KLHDC2: variants seen among roughly 807,000 people sequenced by gnomAD.
KLHDC2 encodes the protein kelch domain-containing protein 2.
KLHDC2 carries 38 observed loss-of-function variants against 62.3 expected under a neutral mutation model. That is an observed-to-expected ratio of 0.61 (90% CI 0.47 to 0.80). The LOEUF is 0.80. KLHDC2 is among the 30% of genes least tolerant of loss of function. The pLI, the probability that KLHDC2 is intolerant of heterozygous loss-of-function variation, is 0.00. For synonymous variants in KLHDC2, 159 were observed against 161.0 expected, an observed-to-expected ratio of 0.99 and a Z score of 0.09; for missense variants, 430 against 495.3, an observed-to-expected ratio of 0.87 and a Z score of 1.25.
At position 49,785,625 on chromosome 14, in the gene KLHDC2, T is replaced by A; in HGVS notation, c.*2672T>A. On this transcript the variant is annotated 3_prime_UTR_variant, in exon 13 of 13. Transcript: ENST00000298307. Reference sequence around the variant, plus strand: ...GCCCAGGAGCAGTGGTTCACGCCTATAATCCTAGGACTCTGGAAGGCTCAG... The same window carrying A: ...GCCCAGGAGCAGTGGTTCACGCCTAAAATCCTAGGACTCTGGAAGGCTCAG... The A allele has an allele frequency of 3.1e-6, 1 of 321,414 alleles. No individual in the cohort carries two copies. The allele number at this position is 321,414 out of a possible 1,614,324, so 19.9% of individuals were successfully genotyped here.
At chr14:49,774,740 G>A in intron 3 of KLHDC2, 62 bp downstream of exon 3, 3 of 999,846 alleles carry the variant, frequency 3.0e-6, no homozygotes, top group Non-Finnish European at 1.6e-6. Flanking sequence ...TCAAACAACT[G>A]CAAATTTCTA....
intron 7 of KLHDC2, 22 bp downstream of exon 7, chr14:49,779,697 A>G: frequency 6.2e-7 from 1 of 1,612,488 alleles, no homozygotes; most frequent in Non-Finnish European, 8.5e-7. Context: ...AACGACTTCA[A>G]TGACTTGCTT....
chr14:49,775,596 C>G (rs181681982), intron 3 of KLHDC2, among the ~76,000 whole-genome samples: 5 of 141,078 alleles, frequency 3.5e-5, no homozygotes, highest in African/African-American at 7.8e-5. Context: ...AGCCAAGATA[C>G]AGAGATATAA....
At chr14:49,772,928 C>T (rs1889693324) in intron 2 of KLHDC2, among the ~76,000 whole-genome samples, 2 of 152,028 alleles carry the variant, frequency 1.3e-5, no homozygotes, top group Admixed American at 1.3e-4. Context: ...TGCACTCCAG[C>T]CTGGGTAATA....
Position 49,784,673 on chromosome 14 carries a change from A to G in KLHDC2, c.*1720A>G. On this transcript the variant is annotated 3_prime_UTR_variant, in exon 13 of 13. Transcript: ENST00000298307. Reference sequence around the variant, plus strand: ...TACGTTCAGAAGATTGGGTGCAGACACTTTCACTTTGCCAGGAATGTTTCT... The same window carrying G: ...TACGTTCAGAAGATTGGGTGCAGACGCTTTCACTTTGCCAGGAATGTTTCT... The G allele has an allele frequency of 6.2e-7, 1 of 1,612,720 alleles. No homozygotes were observed. Among genetic ancestry groups the G allele is most frequent in the Non-Finnish European group, 8.5e-7 (1 of 1,179,246 alleles).
In KLHDC2 at chr14:49,785,035, T is replaced by C. The variant is rs754091871; in HGVS notation, c.*2082T>C. The C allele has an allele frequency of 6.2e-7, 1 of 1,607,692 alleles. No homozygotes were observed. On this transcript the variant is annotated 3_prime_UTR_variant, in exon 13 of 13. Transcript: ENST00000298307. ...AATACAAAAAAGAGTAAGAATAATCTACTGTTAAGTCACTGAACTGTTTAA... is the reference window on the plus strand; with the variant it reads ...AATACAAAAAAGAGTAAGAATAATCCACTGTTAAGTCACTGAACTGTTTAA...
At chr14:49,778,565 G>A (rs1944894768) in intron 6 of KLHDC2, 71 bp downstream of exon 6, 6 of 670,914 alleles carry the variant, frequency 8.9e-6, no homozygotes, top group South Asian at 7.4e-5. Flanking sequence ...GTAGGGGAGA[G>A]GGGTGCACCA....
chr14:49,770,257 G>A (rs2139788225), intron 1 of KLHDC2, among the ~76,000 whole-genome samples: 1 of 152,256 alleles, frequency 6.6e-6, no homozygotes, highest in East Asian at 1.9e-4. Context: ...CCCCATTTAT[G>A]GCTGGTGGCT....
chr14:49,776,551 A>G (rs1889777397), intron 3 of KLHDC2, among the ~76,000 whole-genome samples: 1 of 152,176 alleles, frequency 6.6e-6, no homozygotes, highest in African/African-American at 2.4e-5. Flanking sequence ...CCGAACATGT[A>G]TTTGTTAAAT....
At chr14:49,778,099 C>T in intron 4 of KLHDC2, 79 bp from the exon 5 acceptor site, 1 of 1,011,928 alleles carries the variant, frequency 9.9e-7, no homozygotes, top group Non-Finnish European at 1.5e-6. Flanking sequence ...AAGCATTTAA[C>T]ACAGCACCTA....
At chr14:49,773,250 A>G (rs1300309778) in intron 2 of KLHDC2, among the ~76,000 whole-genome samples, 1 of 150,722 alleles carries the variant, frequency 6.6e-6, no homozygotes, top group African/African-American at 2.4e-5. Flanking sequence ...TGTCTCTACT[A>G]AAAAATACAA....
Position 49,785,474 on chromosome 14 carries a change from A to G in KLHDC2, c.*2521A>G. On this transcript the variant is annotated 3_prime_UTR_variant, in exon 13 of 13. Transcript: ENST00000298307. ...CAGTGGTACTTAAACTCTGCTTCAT[A>G]GTTCCAAAGAGTTGAAGACCAATGT... is the stretch of plus-strand genomic sequence containing the variant. The G allele has an allele frequency of 5.0e-6, 3 of 605,276 alleles. No homozygotes were observed. Among genetic ancestry groups the G allele is most frequent in the African/African-American group, 1.8e-5 (1 of 54,068 alleles). The allele number at this position is 605,276 out of a possible 1,614,324, so 37.5% of individuals were successfully genotyped here.
intron 6 of KLHDC2, among the ~76,000 whole-genome samples, chr14:49,778,703 A>C (rs1889822925): frequency 6.6e-6 from 1 of 151,704 alleles, no homozygotes; most frequent in Non-Finnish European, 1.5e-5. Context: ...CTAACCCAGC[A>C]TCTATTACCT....
At chr14:49,777,808 C>T (rs1889804173) in intron 3 of KLHDC2, 31 bp from the exon 4 acceptor site, 1 of 1,186,788 alleles carries the variant, frequency 8.4e-7, no homozygotes, top group Non-Finnish European at 1.2e-6. Context: ...TTCATAAAAC[C>T]AACTCTAACT....
chr14:49,784,893 C>T lies in KLHDC2; in HGVS notation c.*1940C>T, dbSNP rs760454414. 5.1e-6 allele frequency: 8 copies of T among 1,564,904 alleles called. No individual in the cohort carries two copies. Among genetic ancestry groups the T allele is most frequent in the South Asian group, 2.2e-5 (2 of 89,274 alleles). On this transcript the variant is annotated 3_prime_UTR_variant, in exon 13 of 13. Coordinates refer to ENST00000298307, the MANE Select transcript of KLHDC2 (RefSeq NM_014315.3). The stretch of plus-strand genomic sequence containing the variant: ...TAACATTTTAAATTGTACTGTCAGT[C>T]TCCACATTCCTTTTCTGAAGGAGAA...
At chr14:49,782,763 T>C (rs973522983) in intron 12 of KLHDC2, 67 bp from the exon 13 acceptor site, 1 of 1,550,626 alleles carries the variant, frequency 6.4e-7, no homozygotes, top group African/African-American at 1.4e-5. Context: ...TTTATGTAGT[T>C]TTTCAAGTGA....
Position 49,774,586 on chromosome 14 carries a change from G to A in KLHDC2, c.259G>A (p.Val87Ile), listed in dbSNP as rs748724051. The change falls in exon 3 of 13, where the codon GTT (valine) becomes ATT (isoleucine). Residue 87 changes from valine to isoleucine, a missense_variant. Transcript: ENST00000298307. ...RWKKINTEGD[V>I]PPSMSGSCAV... The stretch of plus-strand genomic sequence containing the variant: ...GAAAAAAATCAACACTGAAGGTGAT[G>A]TTCCTCCTTCTATGTCAGGAAGCTG... 62 of 1,612,838 alleles carry A rather than the reference G, an allele frequency of 3.8e-5. No individual in the cohort carries two copies. The highest frequency in any genetic ancestry group is 4.9e-5 in the Non-Finnish European group (58 of 1,178,954).
At chr14:49,780,999 C>G (rs1889886486) in intron 10 of KLHDC2, among the ~76,000 whole-genome samples, 1 of 152,188 alleles carries the variant, frequency 6.6e-6, no homozygotes, top group African/African-American at 2.4e-5. Context: ...CTTCTTCCTT[C>G]TGTTATAAAA....
chr14:49,781,719 G>A (rs958989855), intron 10 of KLHDC2, among the ~76,000 whole-genome samples: 39 of 151,678 alleles, frequency 2.6e-4, no homozygotes, highest in African/African-American at 6.0e-4. Flanking sequence ...AAAATACATG[G>A]GGAAAAAACA....
Sources: gnomAD v4.1 joint callset for allele counts (sites outside exome capture counted in the v4.1 genomes callset) on GRCh38, gnomAD v4.1.1 for gene constraint, MANE v1.5 for transcripts, NCBI Gene and HGNC (gene_info 2026-07-23, HGNC 2026-07-21) for gene names.